The following LYRM1 variants were observed in gnomAD, a reference collection of about 807,000 sequenced individuals.
LYRM1 encodes LYR motif-containing protein 1.
In LYRM1, 14 loss-of-function variants were observed where a neutral mutation model predicts 14.9. That is an observed-to-expected ratio of 0.94 (90% CI 0.62 to 1.47). The LOEUF (loss-of-function observed/expected upper bound fraction) is 1.47. Among genes scored for constraint, LYRM1 ranks in the 40% most tolerant of loss-of-function variants. LYRM1 has a pLI of 0.00. For synonymous variants in LYRM1, 43 were observed against 56.2 expected (o/e 0.77, Z 1.05); for missense variants, 153 against 149.9 (o/e 1.02, Z -0.11).
Position 20,924,305 on chromosome 16 carries a change from T to C in LYRM1, c.*189T>C, listed in dbSNP as rs138035292. The C allele has an allele frequency of 5.5e-4, 296 of 538,172 alleles. 2 individuals are homozygous for C. Among genetic ancestry groups the C allele is most frequent in the African/African-American group, 5.1e-3 (270 of 52,474 alleles). 33.3% of individuals were successfully genotyped at this position (538,172 alleles called of 1,614,324 possible). ...CTCAGCATCTTTCTTCCTGAGTGGATGGCATTATCCCTAGAGGTCATGGAC... is the reference window on the plus strand; with the variant it reads ...CTCAGCATCTTTCTTCCTGAGTGGACGGCATTATCCCTAGAGGTCATGGAC... On this transcript the variant is annotated 3_prime_UTR_variant, in exon 4 of 4. Transcript: ENST00000567954.
chr16:20,900,738 A>G (rs2081993546), upstream of LYRM1: 1 of 152,386 alleles, frequency 6.6e-6, no homozygotes, highest in East Asian at 1.9e-4. Flanking sequence ...GTGCTCCCAC[A>G]GAGGTGGGCC....
intron 1 of LYRM1, among the ~76,000 whole-genome samples, chr16:20,906,562 C>T (rs1460462958): frequency 1.3e-5 from 2 of 152,176 alleles, no homozygotes; most frequent in Non-Finnish European, 2.9e-5. Context: ...GTAAATTCCT[C>T]TTGCCTTTGT....
chr16:20,915,910 C>T (rs1326832095), intron 2 of LYRM1, among the ~76,000 whole-genome samples, 196 bp downstream of exon 2: 2 of 152,134 alleles, frequency 1.3e-5, no homozygotes, highest in Non-Finnish European at 2.9e-5. Flanking sequence ...TTCACTTGTT[C>T]CAGGTCTCAA....
chr16:20,911,780 T>A (rs542739926), intron 1 of LYRM1, among the ~76,000 whole-genome samples: 1 of 152,340 alleles, frequency 6.6e-6, no homozygotes, highest in South Asian at 2.1e-4. Flanking sequence ...TTCATTTTTA[T>A]AGAGATAGGG....
chr16:20,916,778 C>G (rs886561655), intron 2 of LYRM1, among the ~76,000 whole-genome samples: 1 of 152,224 alleles, frequency 6.6e-6, no homozygotes, highest in Non-Finnish European at 1.5e-5. Flanking sequence ...ACTCTTTGTT[C>G]TCATTCCTCA....
At chr16:20,920,455 A>G in intron 3 of LYRM1, 2 of 444,554 alleles carry the variant, frequency 4.5e-6, no homozygotes, top group South Asian at 4.2e-5. Context: ...ACCAGCTCAC[A>G]CTGTAGAGCT....
At chr16:20,904,727 T>G (rs867334055) in intron 1 of LYRM1, among the ~76,000 whole-genome samples, 11 of 34,810 alleles carry the variant, frequency 3.2e-4, no homozygotes, top group Non-Finnish European at 5.8e-4. Context: ...GTGTGTGTGT[T>G]TAATTGATAG....
At chr16:20,911,665 C>G (rs1406383536) in intron 1 of LYRM1, among the ~76,000 whole-genome samples, 1 of 152,108 alleles carries the variant, frequency 6.6e-6, no homozygotes, top group African/African-American at 2.4e-5. Flanking sequence ...TCAGAATCTT[C>G]CAGTAGTGGG....
chr16:20,918,153 G>A (rs1366476678), intron 2 of LYRM1, among the ~76,000 whole-genome samples: 1 of 152,128 alleles, frequency 6.6e-6, no homozygotes, highest in Admixed American at 6.6e-5. Flanking sequence ...TTCTGCCCAA[G>A]TAATAACTTT....
At chr16:20,914,862 C>G (rs1383865911) in intron 1 of LYRM1, among the ~76,000 whole-genome samples, 2 of 152,170 alleles carry the variant, frequency 1.3e-5, no homozygotes, top group Admixed American at 6.5e-5. Context: ...GAGTTTGTAA[C>G]CAGTGGATTA....
chr16:20,909,490 C>T (rs781769251), intron 1 of LYRM1, among the ~76,000 whole-genome samples: 10 of 152,218 alleles, frequency 6.6e-5, no homozygotes, highest in Admixed American at 6.5e-4. Flanking sequence ...GTCCTCTAAA[C>T]TACTGAATAT....
At chr16:20,907,689 A>G (rs2152533335) in intron 1 of LYRM1, among the ~76,000 whole-genome samples, 1 of 152,112 alleles carries the variant, frequency 6.6e-6, no homozygotes, top group East Asian at 1.9e-4. Flanking sequence ...GTCGATTCCC[A>G]CGTCACATCC....
chr16:20,905,451 C>G (rs2082273896), intron 1 of LYRM1, among the ~76,000 whole-genome samples: 1 of 152,188 alleles, frequency 6.6e-6, no homozygotes, highest in Admixed American at 6.5e-5. Flanking sequence ...ATGGGACAGA[C>G]ATTCCCTACT....
At chr16:20,920,423 CT>C (rs1489002801) in intron 3 of LYRM1, 6 of 521,288 alleles carry the variant, frequency 1.2e-5, no homozygotes, top group African/African-American at 1.9e-5. Flanking sequence ...GCTTACATAG[CT>C]TTCCACGTAT....
chr16:20,915,685 G>C lies in LYRM1; in HGVS notation c.130G>C (p.Ala44Pro), dbSNP rs372572978. The change falls in exon 2 of 4, where the codon GCC becomes CCC. Residue 44 changes from alanine (A) to proline (P), a missense_variant. Ala to Pro is a conservative substitution (Grantham distance 27). Coordinates refer to ENST00000567954, the MANE Select transcript of LYRM1 (RefSeq NM_001128302.3). Reference protein sequence around the residue: ...IKEKQYILNEARTLFRKNKNL... With the variant: ...IKEKQYILNEPRTLFRKNKNL... ...AGAAAAACAGTACATACTAAATGAA[G>C]CCAGAACGCTGTTCCGGAAAAACAA... 6 of 1,613,994 alleles carry C rather than the reference G, an allele frequency of 3.7e-6. No homozygotes were observed. The African/African-American group carries it at 8.0e-5, about 22-fold the overall frequency.
intron 1 of LYRM1, among the ~76,000 whole-genome samples, chr16:20,908,976 C>A (rs1432125947): frequency 6.6e-6 from 1 of 152,174 alleles, no homozygotes; most frequent in Non-Finnish European, 1.5e-5. Context: ...TAATTCATTT[C>A]TTTAAAGGAA....
In LYRM1 at chr16:20,901,116, G is replaced by C. The variant is rs1488445461; in HGVS notation, c.-1+227G>C. ...TCCAAGAGGGGAGGCCTGGTGTGGG[G>C]ACGCTCAGGTGCCGGCGTGGGGCCC... On this transcript the variant is annotated intron_variant, in intron 1 of 3. Transcript: ENST00000567954. This position sits in a 1 kb window ranked among gnomAD's most constrained non-coding sequence, Gnocchi z 4.6. 6.6e-6 allele frequency: 1 copy of C among 152,404 alleles called. No homozygotes were observed. The highest frequency in any genetic ancestry group is 1.5e-5 in the Non-Finnish European group (1 of 68,190). 9.4% of individuals were successfully genotyped at this position (152,404 alleles called of 1,614,324 possible).
At position 20,924,123 on chromosome 16, in the gene LYRM1, G is replaced by A. The variant is rs529320648; in HGVS notation, c.*7G>A. The A allele has an allele frequency of 1.3e-6, 2 of 1,494,494 alleles. No individual in the cohort carries two copies. Among genetic ancestry groups the A allele is most frequent in the African/African-American group, 1.4e-5 (1 of 72,216 alleles). 92.6% of individuals were successfully genotyped at this position (1,494,494 alleles called of 1,614,324 possible). ...TCATGATGAAGTTTCCTAATCTAGA[G>A]GAAAGTTTATTTCTGCAAATGATGA... On this transcript the variant is annotated 3_prime_UTR_variant, in exon 4 of 4. Coordinates refer to ENST00000567954, the MANE Select transcript of LYRM1 (RefSeq NM_001128302.3).
rs147766191 is a variant in LYRM1, at chr16:20,908,820, A to G, written c.1-6736A>G. Among the ~76,000 whole-genome samples the G allele has an allele frequency of 1.2e-4, 18 of 152,300 alleles. 1 individual carries two copies. In the East Asian group the frequency reaches 3.5e-3, roughly 29 times the overall value. ...TGGTGTGGGGTGGCTAGCAGAAAGG[A>G]GACATTGTAGGCAGAGGAAGACTCA... is the stretch of plus-strand genomic sequence containing the variant. On this transcript the variant is annotated intron_variant, in intron 1 of 3. Transcript: ENST00000567954.
Sources: allele counts gnomAD v4.1 joint callset (sites outside exome capture counted in the v4.1 genomes callset), GRCh38; gene constraint gnomAD v4.1.1; non-coding constraint Gnocchi (gnomAD v3.1); transcripts MANE v1.5; gene names NCBI Gene and HGNC (gene_info 2026-07-23, HGNC 2026-07-21).